The following NNT variants were observed in gnomAD, a reference collection of about 807,000 sequenced individuals.
NNT encodes the protein NAD(P) transhydrogenase, mitochondrial.
Under a neutral mutation model 104.8 loss-of-function variants are expected in NNT, and 50 were observed. The ratio of observed to expected loss-of-function variants is 0.48; its 90% confidence interval spans 0.38 to 0.60. The LOEUF is 0.60. Among genes scored for constraint, NNT ranks in the 20% least tolerant of loss-of-function variants. The pLI is 0.00. For synonymous variants in NNT, 461 were observed against 490.4 expected (o/e 0.94, Z 0.79); for missense variants, 1,131 against 1,330.7 (o/e 0.85, Z 2.33).
chr5:43,703,955 G>T (rs1742988735), intron 21 of NNT, among the ~76,000 whole-genome samples: 1 of 152,122 alleles, frequency 6.6e-6, no homozygotes, highest in South Asian at 2.1e-4. Context: ...TGGTATACAT[G>T]GTCTTTATAG....
intron 17 of NNT, among the ~76,000 whole-genome samples, chr5:43,668,475 T>G (rs1295370972): frequency 7.9e-5 from 12 of 152,214 alleles, no homozygotes; most frequent in Non-Finnish European, 1.3e-4. Context: ...AAGGAAGGGA[T>G]CCAATTTCAG....
chr5:43,627,992 A>G (rs1046427346), intron 6 of NNT, among the ~76,000 whole-genome samples: 2 of 152,216 alleles, frequency 1.3e-5, no homozygotes. Flanking sequence ...AATTCTCAGT[A>G]GTTTTTTTTC....
intron 7 of NNT, among the ~76,000 whole-genome samples, chr5:43,633,293 T>G (rs1050922912): frequency 6.6e-6 from 1 of 152,234 alleles, no homozygotes; most frequent in Non-Finnish European, 1.5e-5. Context: ...TTTCATTATC[T>G]GGTCCTGATT....
At chr5:43,669,233 C>G (rs2112045686) in intron 17 of NNT, among the ~76,000 whole-genome samples, 1 of 152,142 alleles carries the variant, frequency 6.6e-6, no homozygotes, top group East Asian at 1.9e-4. Flanking sequence ...CAAACAGGGA[C>G]AATTTGACTT....
At chr5:43,639,056 CTT>C (rs1316999356) in intron 7 of NNT, among the ~76,000 whole-genome samples, 2 of 152,096 alleles carry the variant, frequency 1.3e-5, no homozygotes, top group East Asian at 3.9e-4. Flanking sequence ...CTGTGTGACT[CTT>C]TTTGAATTTA....
intron 7 of NNT, among the ~76,000 whole-genome samples, chr5:43,637,093 C>T (rs1370341565): frequency 2.6e-5 from 4 of 152,068 alleles, no homozygotes; most frequent in Non-Finnish European, 5.9e-5. Context: ...CCTGTGGTTC[C>T]AGGGATAAAG....
chr5:43,659,615 G>A (rs1740247562), intron 17 of NNT, among the ~76,000 whole-genome samples: 1 of 152,042 alleles, frequency 6.6e-6, no homozygotes, highest in African/African-American at 2.4e-5. Flanking sequence ...TGTAATCCCA[G>A]CTACTTGGTA....
rs1448477549 is a variant in NNT at position 43,705,793 on chromosome 5, G to A, written c.*1389G>A. The A allele has an allele frequency of 6.6e-6, 1 of 151,838 alleles. No individual in the cohort carries two copies. Among genetic ancestry groups the A allele is most frequent in the Non-Finnish European group, 1.5e-5 (1 of 67,902 alleles). 9.4% of individuals were successfully genotyped at this position (151,838 alleles called of 1,614,324 possible). On this transcript the variant is annotated 3_prime_UTR_variant, in exon 22 of 22. Coordinates refer to ENST00000344920, the MANE Select transcript of NNT (RefSeq NM_182977.3). Reference sequence around the variant, plus strand: ...TGTATGTGTGTGTGTGTGTGTGTGCGTTTGTGTGTTAAAGCAGAAAAGACT... The same window carrying A: ...TGTATGTGTGTGTGTGTGTGTGTGCATTTGTGTGTTAAAGCAGAAAAGACT...
At chr5:43,672,839 A>C (rs1310235898) in intron 17 of NNT, among the ~76,000 whole-genome samples, 1 of 152,198 alleles carries the variant, frequency 6.6e-6, no homozygotes, top group Non-Finnish European at 1.5e-5. Context: ...AAGTCTGCAG[A>C]GGTTTCTGCT....
At chr5:43,646,904 A>G (rs553461826) in intron 10 of NNT, among the ~76,000 whole-genome samples, 3 of 152,348 alleles carry the variant, frequency 2.0e-5, no homozygotes, top group African/African-American at 7.2e-5. Flanking sequence ...AACACTAAAT[A>G]ATTTATTGTA....
At chr5:43,649,508 G>A (rs574469393) in intron 11 of NNT, among the ~76,000 whole-genome samples, 200 bp downstream of exon 11, 1 of 152,110 alleles carries the variant, frequency 6.6e-6, no homozygotes, top group Non-Finnish European at 1.5e-5. Context: ...CCGTGGGAGT[G>A]TGTCAGCTCT....
chr5:43,677,801 A>T lies in NNT; in HGVS notation c.2871A>T (p.Lys957Asn), dbSNP rs1441813157. Reference sequence around the variant, plus strand: ...AGATGCTCACTGAGCAAGGCAAAAAAGTCAGGTAAGCGTTTGCAGTGGAGA... The same window carrying T: ...AGATGCTCACTGAGCAAGGCAAAAATGTCAGGTAAGCGTTTGCAGTGGAGA... ...LVKMLTEQGK[K>N]VRFGIHPVAG... The change falls in exon 19 of 22, where the codon AAA becomes AAT. Residue 957 changes from lysine to asparagine, a missense_variant. Transcript: ENST00000344920. 3.7e-6 allele frequency: 6 copies of T among 1,613,374 alleles called. No homozygotes were observed. The South Asian group carries it at 6.6e-5, about 18-fold the overall frequency.
intron 19 of NNT, among the ~76,000 whole-genome samples, chr5:43,686,097 T>C (rs917975200): frequency 8.5e-5 from 13 of 152,146 alleles, no homozygotes; most frequent in African/African-American, 3.1e-4. Context: ...TTCATTTGAG[T>C]AGATTATTCT....
intron 17 of NNT, among the ~76,000 whole-genome samples, chr5:43,671,893 C>G (rs1741117671): frequency 6.6e-6 from 1 of 152,176 alleles, no homozygotes; most frequent in Non-Finnish European, 1.5e-5. Flanking sequence ...CAACTTGGTT[C>G]CATTCTCCTC....
intron 7 of NNT, 49 bp from the exon 8 acceptor site, chr5:43,644,142 GT>G (rs1751380952): frequency 1.3e-6 from 2 of 1,513,684 alleles, no homozygotes; most frequent in Non-Finnish European, 1.8e-6. Context: ...AGACTTTAAG[GT>G]GTTAGAAAAT....
intron 7 of NNT, among the ~76,000 whole-genome samples, chr5:43,632,499 G>A (rs1332510848): frequency 1.3e-5 from 2 of 152,188 alleles, no homozygotes; most frequent in South Asian, 4.1e-4. Flanking sequence ...TACGTAGATT[G>A]TATGTGGAAT....
chr5:43,638,273 T>TACC (rs2111777873), intron 7 of NNT, among the ~76,000 whole-genome samples: 1 of 152,254 alleles, frequency 6.6e-6, no homozygotes, highest in East Asian at 1.9e-4. Context: ...GCCAGCAATT[T>TACC]ATAGCAGCGT....
chr5:43,696,547 G>T (rs927933214), intron 19 of NNT, among the ~76,000 whole-genome samples: 3 of 152,196 alleles, frequency 2.0e-5, no homozygotes, highest in Non-Finnish European at 4.4e-5. Flanking sequence ...GCTCCACTAG[G>T]TGGTGCCTGA....
intron 17 of NNT, among the ~76,000 whole-genome samples, chr5:43,671,902 T>C (rs1438186508): frequency 2.0e-5 from 3 of 152,220 alleles, no homozygotes; most frequent in Admixed American, 1.3e-4. Context: ...TCCATTCTCC[T>C]CATCACTTTC....
Sources: gnomAD v4.1 joint callset for allele counts (sites outside exome capture counted in the v4.1 genomes callset) on GRCh38, gnomAD v4.1.1 for gene constraint, MANE v1.5 for transcripts, NCBI Gene and HGNC (gene_info 2026-07-23, HGNC 2026-07-21) for gene names.